MED27: variants seen among roughly 807,000 people sequenced by gnomAD.
MED27 encodes the protein mediator complex subunit 27, also known as mediator of RNA polymerase II transcription subunit 27.
A neutral mutation model predicts 38.2 loss-of-function variants in MED27; 30 were observed. The observed-to-expected ratio is 0.79, with a 90% CI of 0.59 to 1.07. The LOEUF (loss-of-function observed/expected upper bound fraction) is 1.07, where lower values mean the gene tolerates loss of function less well. Among genes scored for constraint, MED27 ranks in the 50% least tolerant of loss-of-function variants. The pLI, the probability that MED27 is intolerant of heterozygous loss-of-function variation, is 0.00. For synonymous variants in MED27, 122 were observed against 153.5 expected (o/e 0.79, Z 1.52); for missense variants, 289 against 397.5 (o/e 0.73, Z 2.32).
At position 131,982,247 on chromosome 9, in the gene MED27, C is replaced by T. The variant is rs1009457197; in HGVS notation, c.479+32090G>A. On this transcript the variant is annotated intron_variant, in intron 3 of 7. Transcript: ENST00000292035. This position sits in a 1 kb window ranked among gnomAD's most constrained non-coding sequence, Gnocchi z 4.3. ...ATGCTTGGCAGCTTTTGCTTTCGCA[C>T]TCTTGGGAACCCTGAACTGCCACCT... Among the ~76,000 whole-genome samples, 2 of 152,220 alleles carry T rather than the reference C, an allele frequency of 1.3e-5. No individual in the cohort carries two copies. Among genetic ancestry groups the T allele is most frequent in the Admixed American group, 1.3e-4 (2 of 15,280 alleles).
intron 3 of MED27, among the ~76,000 whole-genome samples, chr9:131,959,111 G>A (rs1368189835): frequency 6.6e-6 from 1 of 152,196 alleles, no homozygotes; most frequent in African/African-American, 2.4e-5. Flanking sequence ...AAAACAGGAA[G>A]ACAGTGCTGT....
chr9:131,953,439 T>C (rs1372874226), intron 3 of MED27, among the ~76,000 whole-genome samples: 1 of 152,234 alleles, frequency 6.6e-6, no homozygotes, highest in Non-Finnish European at 1.5e-5. Flanking sequence ...TTAGGTGATA[T>C]ATGGATGAAC....
At chr9:132,041,847 C>G (rs1833221366) in intron 2 of MED27, among the ~76,000 whole-genome samples, 1 of 152,204 alleles carries the variant, frequency 6.6e-6, no homozygotes, top group Non-Finnish European at 1.5e-5. Context: ...TTCTTCTTCT[C>G]AAGAATGCAA....
intron 6 of MED27, among the ~76,000 whole-genome samples, chr9:131,878,589 T>C (rs1341411278): frequency 6.6e-6 from 1 of 152,036 alleles, no homozygotes; most frequent in African/African-American, 2.4e-5. Context: ...CTAACCTGGG[T>C]GGTACACACA....
intron 4 of MED27, among the ~76,000 whole-genome samples, chr9:131,916,477 T>A (rs1564282160): frequency 1.3e-5 from 2 of 152,202 alleles, no homozygotes; most frequent in Non-Finnish European, 2.9e-5. Flanking sequence ...CTGCAGTGGG[T>A]TTGGAGAGAA....
chr9:132,044,810 G>T (rs919821987), intron 2 of MED27, among the ~76,000 whole-genome samples: 38 of 152,198 alleles, frequency 2.5e-4, no homozygotes, highest in African/African-American at 8.2e-4. Flanking sequence ...CATTTAATGA[G>T]AACTCTTATC....
chr9:131,989,607 A>T (rs941350379), intron 3 of MED27, among the ~76,000 whole-genome samples: 1 of 152,202 alleles, frequency 6.6e-6, no homozygotes, highest in African/African-American at 2.4e-5. Context: ...TATTAAGTAG[A>T]TTCACACTGT....
In MED27 at chr9:131,982,771, G is replaced by A. The variant is rs529318479; in HGVS notation, c.479+31566C>T. 6.6e-5 allele frequency among the ~76,000 whole-genome samples: 10 copies of A among 152,168 alleles called. No homozygotes were observed. Among genetic ancestry groups the A allele is most frequent in the Non-Finnish European group, 8.8e-5 (6 of 68,024 alleles). ...AGCTTTTCTGGCTACAGGATCTGCC[G>A]CAATGCCTGACCTCTGTGCATCTCC... On this transcript the variant is annotated intron_variant, in intron 3 of 7. Coordinates refer to ENST00000292035, the MANE Select transcript of MED27 (RefSeq NM_004269.4). This position sits in a 1 kb window ranked among gnomAD's most constrained non-coding sequence, Gnocchi z 4.3.
At chr9:131,951,951 C>T (rs193166737) in intron 3 of MED27, among the ~76,000 whole-genome samples, 25 of 152,254 alleles carry the variant, frequency 1.6e-4, no homozygotes, top group African/African-American at 2.6e-4. Flanking sequence ...AGAAGGCCAA[C>T]GAGAGAGTGG....
In MED27 at chr9:132,037,349, T is replaced by C. The variant is rs9411338; in HGVS notation, c.349-22882A>G. Among the ~76,000 whole-genome samples the C allele has an allele frequency of 9.4e-3, 1,427 of 152,326 alleles. 10 individuals carry two copies. The highest frequency in any genetic ancestry group is 0.014 in the Non-Finnish European group (951 of 68,036). On this transcript the variant is annotated intron_variant, in intron 2 of 7. Transcript: ENST00000292035. ...AATGCTCCCTATCAGGATGAAAGCA[T>C]GGACAGTAATAGTCGCATATGGTGG...
intron 3 of MED27, among the ~76,000 whole-genome samples, chr9:131,974,754 T>C (rs1356506419): frequency 6.6e-6 from 1 of 152,166 alleles, no homozygotes; most frequent in Non-Finnish European, 1.5e-5. Flanking sequence ...CTGTAAACTT[T>C]CCTCCCAACT....
intron 3 of MED27, among the ~76,000 whole-genome samples, chr9:131,945,427 T>G (rs979699723): frequency 1.3e-4 from 20 of 152,058 alleles, no homozygotes; most frequent in Admixed American, 8.5e-4. Context: ...TTTAGCATTT[T>G]TGTGTGTGTG....
chr9:131,882,346 T>G (rs982057680), intron 6 of MED27, among the ~76,000 whole-genome samples: 2 of 152,288 alleles, frequency 1.3e-5, no homozygotes, highest in African/African-American at 2.4e-5. Context: ...CAGATTTTCT[T>G]GTGGGGTAAG....
At chr9:132,057,320 C>G (rs1416708027) in intron 2 of MED27, among the ~76,000 whole-genome samples, 1 of 152,196 alleles carries the variant, frequency 6.6e-6, no homozygotes, top group Non-Finnish European at 1.5e-5. Flanking sequence ...TCCGGCAAAC[C>G]AATCTAGTCT....
intron 3 of MED27, among the ~76,000 whole-genome samples, chr9:131,947,226 C>T (rs959255570): frequency 2.0e-5 from 3 of 152,150 alleles, no homozygotes; most frequent in African/African-American, 7.2e-5. Context: ...GGGTCCATTA[C>T]ATTAGCCATC....
intron 3 of MED27, among the ~76,000 whole-genome samples, chr9:131,958,091 GA>G (rs1831141934): frequency 6.6e-6 from 1 of 151,940 alleles, no homozygotes; most frequent in South Asian, 2.1e-4. Context: ...AAAACTCATT[GA>G]ACTGTACATT....
chr9:131,898,101 ATTTTTT>A (rs1039409485), intron 4 of MED27, among the ~76,000 whole-genome samples: 6 of 131,904 alleles, frequency 4.5e-5, no homozygotes, highest in Non-Finnish European at 6.5e-5. Context: ...TGCAGGTTTG[ATTTTTT>A]TTTTTTTTTT....
At chr9:132,073,769 A>G (rs1833991350) in intron 2 of MED27, 1 of 405,838 alleles carries the variant, frequency 2.5e-6, no homozygotes, top group Non-Finnish European at 3.5e-6. Context: ...ATCAAACGTG[A>G]AAAAAAAAAA....
rs1002246443 is a variant in MED27 at position 131,940,200 on chromosome 9, C to T, written c.480-726G>A. 4.6e-5 allele frequency among the ~76,000 whole-genome samples: 7 copies of T among 152,034 alleles called. No homozygotes were observed. In the South Asian group the frequency reaches 1.0e-3, roughly 23 times the overall value. On this transcript the variant is annotated intron_variant, in intron 3 of 7. Coordinates refer to ENST00000292035, the MANE Select transcript of MED27 (RefSeq NM_004269.4). The stretch of plus-strand genomic sequence containing the variant: ...GATTATAAGCATGAGCCACTGTGCC[C>T]GGCCAATTCCTTCTGTTTTAAATAC...
Sources: gnomAD v4.1 joint callset for allele counts (sites outside exome capture counted in the v4.1 genomes callset) on GRCh38, gnomAD v4.1.1 for gene constraint, Gnocchi (gnomAD v3.1) non-coding constraint, MANE v1.5 for transcripts, NCBI Gene and HGNC (gene_info 2026-07-23, HGNC 2026-07-21) for gene names.